Variants in DIAPH2 observed in about 807,000 individuals in gnomAD.
DIAPH2 encodes diaphanous related formin 2.
In DIAPH2, 35 loss-of-function variants were observed where a neutral mutation model predicts 92.7. The ratio of observed to expected loss-of-function variants is 0.38; its 90% confidence interval spans 0.29 to 0.50. The LOEUF is 0.50. DIAPH2 is among the 20% of genes least tolerant of loss of function. The pLI is 0.94. For synonymous variants in DIAPH2, 301 were observed against 280.4 expected (o/e 1.07, Z -0.73); for missense variants, 701 against 819.5 (o/e 0.86, Z 1.77).
intron 17 of DIAPH2, among the ~76,000 whole-genome samples, chrX:96,980,054 A>AG (rs1179640225): frequency 9.0e-6 from 1 of 111,140 alleles, no homozygotes; most frequent in Non-Finnish European, 1.9e-5. Flanking sequence ...AAGCCCCAGA[A>AG]GGAGTGTTAC....
chrX:97,207,375 G>A (rs185028011), intron 22 of DIAPH2, among the ~76,000 whole-genome samples: 8 of 111,974 alleles, frequency 7.1e-5, no homozygotes, highest in East Asian at 2.8e-4. Context: ...TTTTAAGATC[G>A]TCTGTGGGAC....
chrX:97,495,738 A>G (rs1340373786), intron 26 of DIAPH2, among the ~76,000 whole-genome samples: 1 of 111,977 alleles, frequency 8.9e-6, no homozygotes. Flanking sequence ...CTTGTTTTCA[A>G]AGCAATACTA....
intron 26 of DIAPH2, among the ~76,000 whole-genome samples, chrX:97,520,375 A>G (rs1167799973): frequency 4.5e-5 from 5 of 112,270 alleles, no homozygotes; most frequent in Non-Finnish European, 9.4e-5. Context: ...TTTACATTCT[A>G]TATTGCTTTT....
chrX:97,062,110 T>G (rs1332498108), intron 17 of DIAPH2, among the ~76,000 whole-genome samples: 1 of 111,685 alleles, frequency 9.0e-6, no homozygotes. Flanking sequence ...CAATGATATA[T>G]CTAGTTTGTA....
At chrX:96,769,395 G>A (rs2064323965) in intron 4 of DIAPH2, among the ~76,000 whole-genome samples, 1 of 112,105 alleles carries the variant, frequency 8.9e-6, no homozygotes, top group South Asian at 3.7e-4. Flanking sequence ...TACAGCATTA[G>A]CAGTATAATT....
intron 19 of DIAPH2, among the ~76,000 whole-genome samples, chrX:97,083,840 T>C (rs1442547785): frequency 8.9e-6 from 1 of 111,960 alleles, no homozygotes; most frequent in African/African-American, 3.2e-5. Flanking sequence ...ATACCATACA[T>C]TTACAAATTC....
At chrX:97,164,552 A>G (rs372328615) in intron 22 of DIAPH2, among the ~76,000 whole-genome samples, 3 of 111,986 alleles carry the variant, frequency 2.7e-5, no homozygotes, top group East Asian at 2.8e-4. Context: ...CAATGCATCA[A>G]ATTTAGAAAT....
intron 5 of DIAPH2, among the ~76,000 whole-genome samples, chrX:96,888,056 TTCTC>T (rs1252890472): frequency 4.5e-4 from 49 of 108,634 alleles, no homozygotes; most frequent in African/African-American, 1.6e-3. Context: ...ACCTCTCTGT[TTCTC>T]TCTCTCTTTT....
chrX:96,848,129 T>G (rs956060860), intron 4 of DIAPH2, among the ~76,000 whole-genome samples: 4 of 110,971 alleles, frequency 3.6e-5, no homozygotes, highest in Non-Finnish European at 7.5e-5. Context: ...AGCCTCTACC[T>G]CCTGGGCTTG....
chrX:97,565,853 G>A (rs2071323350), intron 26 of DIAPH2, among the ~76,000 whole-genome samples: 1 of 111,944 alleles, frequency 8.9e-6, no homozygotes, highest in African/African-American at 3.2e-5. Flanking sequence ...TTTTCCGCAA[G>A]CCACAAATAC....
chrX:97,059,016 G>T (rs1053070941), intron 17 of DIAPH2, among the ~76,000 whole-genome samples: 1 of 111,918 alleles, frequency 8.9e-6, no homozygotes, highest in Admixed American at 9.5e-5. Context: ...TTTGACTTCG[G>T]TCTTAATGGA....
At chrX:97,434,659 C>T (rs965317667) in intron 26 of DIAPH2, among the ~76,000 whole-genome samples, 1 of 110,675 alleles carries the variant, frequency 9.0e-6, no homozygotes, top group Non-Finnish European at 1.9e-5. Flanking sequence ...ATCCGCCCGC[C>T]TTGGCCTCCC....
At chrX:97,015,800 A>G (rs1428499698) in intron 17 of DIAPH2, among the ~76,000 whole-genome samples, 4 of 108,803 alleles carry the variant, frequency 3.7e-5, no homozygotes, top group African/African-American at 1.3e-4. Flanking sequence ...AAAAAAAAAA[A>G]AAAAAAGCCT....
At chrX:97,027,441 T>C (rs1444379804) in intron 17 of DIAPH2, among the ~76,000 whole-genome samples, 3 of 112,354 alleles carry the variant, frequency 2.7e-5, no homozygotes, top group Non-Finnish European at 5.6e-5. Context: ...AAAGACCTTA[T>C]ACTAAGACAT....
intron 23 of DIAPH2, among the ~76,000 whole-genome samples, chrX:97,285,383 C>CAAAAAAAAAAA (rs11336007): frequency 1.0e-3 from 39 of 38,062 alleles, no homozygotes; most frequent in African/African-American, 1.8e-3. Context: ...ACTAAAAATA[C>CAAAAAAAAAAA]AAAAAAAAAA....
At chrX:97,538,798 G>T (rs1230478577) in intron 26 of DIAPH2, among the ~76,000 whole-genome samples, 1 of 111,941 alleles carries the variant, frequency 8.9e-6, no homozygotes, top group African/African-American at 3.2e-5. Context: ...CAAAAGTGAA[G>T]ATAAACTAAA....
At chrX:97,108,356 G>C (rs1202616583) in intron 20 of DIAPH2, among the ~76,000 whole-genome samples, 1 of 111,694 alleles carries the variant, frequency 9.0e-6, no homozygotes, top group Non-Finnish European at 1.9e-5. Flanking sequence ...AATGCTGCAA[G>C]GGACCACAAC....
chrX:96,997,657 T>C (rs895930431), intron 17 of DIAPH2, among the ~76,000 whole-genome samples: 4 of 111,541 alleles, frequency 3.6e-5, no homozygotes, highest in Non-Finnish European at 7.5e-5. Context: ...CTGTTCTTCA[T>C]CTTATGAGAT....
rs949666469 is a variant in DIAPH2, at chrX:97,295,352, A to G, written c.2844+47513A>G. ...AATTAGGAACAAACAAAGGTAGACAAGAGAATCATGAAAATGTGAAACCAA... is the reference window on the plus strand; with the variant it reads ...AATTAGGAACAAACAAAGGTAGACAGGAGAATCATGAAAATGTGAAACCAA... On this transcript the variant is annotated intron_variant, in intron 23 of 26. Transcript: ENST00000324765. 5.3e-5 allele frequency among the ~76,000 whole-genome samples: 6 copies of G among 112,426 alleles called. No individual in the cohort carries two copies. In the Admixed American group the frequency reaches 5.7e-4, roughly 11 times the overall value.
Sources: gnomAD v4.1 joint callset for allele counts (sites outside exome capture counted in the v4.1 genomes callset) on GRCh38, gnomAD v4.1.1 for gene constraint, MANE v1.5 for transcripts, NCBI Gene and HGNC (gene_info 2026-07-23, HGNC 2026-07-21) for gene names.